The following ZCRB1 variants were observed in gnomAD, a reference collection of about 807,000 sequenced individuals.
ZCRB1 encodes zinc finger CCHC-type and RNA-binding motif-containing protein 1.
Under a neutral mutation model 29.9 loss-of-function variants are expected in ZCRB1, and 21 were observed. That is an observed-to-expected ratio of 0.70 (90% confidence interval 0.50 to 1.01). The LOEUF (loss-of-function observed/expected upper bound fraction) is 1.01, where lower values mean the gene tolerates loss of function less well. Among genes scored for constraint, ZCRB1 ranks in the 50% least tolerant of loss-of-function variants. ZCRB1 has a pLI of 0.00. For missense variants in ZCRB1, 204 were observed against 253.3 expected, an observed-to-expected ratio of 0.81 and a Z score of 1.32; for synonymous variants, 77 against 80.0, an observed-to-expected ratio of 0.96 and a Z score of 0.20.
chr12:42,317,373 GT>G lies in ZCRB1; in HGVS notation c.299del (p.Asn100ThrfsTer17). The G allele has an allele frequency of 6.2e-7, 1 of 1,612,784 alleles. No homozygotes were observed. Among genetic ancestry groups the G allele is most frequent in the South Asian group, 1.1e-5 (1 of 90,792 alleles). Reference protein sequence around the residue: ...GRAAEFIRRRNYFDKSKCYEC... With the variant: ...GRAAEFIRRRXYFDKSKCYEC... ...CATAACACTTAGATTTATCAAAGTA[GT>G]TTCGCCTTCGGATGAACTCAGCTGC... On this transcript the variant is annotated frameshift_variant, in exon 5 of 8. Coordinates refer to ENST00000266529, the MANE Select transcript of ZCRB1 (RefSeq NM_033114.4). LOFTEE classifies it high-confidence loss of function.
At chr12:42,314,961 ACAAAAAAC>A (rs914267108) in intron 5 of ZCRB1, among the ~76,000 whole-genome samples, 1 of 152,184 alleles carries the variant, frequency 6.6e-6, no homozygotes, top group Non-Finnish European at 1.5e-5. Flanking sequence ...CAAAAAACAA[ACAAAAAAC>A]CAAAAAACAA....
At chr12:42,317,076 G>A (rs2068598216) in intron 5 of ZCRB1, among the ~76,000 whole-genome samples, 1 of 152,142 alleles carries the variant, frequency 6.6e-6, no homozygotes, top group African/African-American at 2.4e-5. Flanking sequence ...GGGTGTGATG[G>A]TGCATGCCTG....
intron 3 of ZCRB1, among the ~76,000 whole-genome samples, chr12:42,319,695 G>C (rs1379078972): frequency 1.3e-5 from 2 of 152,266 alleles, no homozygotes; most frequent in East Asian, 3.9e-4. Flanking sequence ...GCTGAATTGT[G>C]TTATTCATAA....
chr12:42,316,696 T>C (rs2068596303), intron 5 of ZCRB1, among the ~76,000 whole-genome samples: 1 of 152,200 alleles, frequency 6.6e-6, no homozygotes, highest in Non-Finnish European at 1.5e-5. Flanking sequence ...GAACTGTGAC[T>C]TAAAAACTGT....
intron 3 of ZCRB1, among the ~76,000 whole-genome samples, chr12:42,318,682 C>T (rs1331044976): frequency 6.6e-6 from 1 of 152,084 alleles, no homozygotes; most frequent in Admixed American, 6.5e-5. Flanking sequence ...TCCAAGGCTA[C>T]AGCAGGGCAG....
At chr12:42,323,850 C>T in intron 2 of ZCRB1, 169 bp downstream of exon 2, 1 of 603,544 alleles carries the variant, frequency 1.7e-6, no homozygotes, top group Non-Finnish European at 2.9e-6. Context: ...GGGGAGGCTG[C>T]AGTGAGCCAT....
At chr12:42,321,260 G>A (rs1033730765) in intron 3 of ZCRB1, among the ~76,000 whole-genome samples, 10 of 152,164 alleles carry the variant, frequency 6.6e-5, no homozygotes, top group African/African-American at 2.2e-4. Flanking sequence ...GATCCATTCA[G>A]AGATTCTAAC....
chr12:42,317,786 C>T lies in ZCRB1; in HGVS notation c.225+1G>A. 1.2e-6 allele frequency: 2 copies of T among 1,611,470 alleles called. No individual in the cohort carries two copies. Among genetic ancestry groups the T allele is most frequent in the South Asian group, 2.2e-5 (2 of 90,788 alleles). ...AACCTTGATGGAGATGAATAGCTTA[C>T]CTGTTTGTTGTTTATTGCCCTGGTA... On this transcript the variant is annotated splice_donor_variant, in intron 4 of 7. Coordinates refer to ENST00000266529, the MANE Select transcript of ZCRB1 (RefSeq NM_033114.4). LOFTEE classifies it high-confidence loss of function.
At chr12:42,321,898 A>G (rs544188564) in intron 3 of ZCRB1, among the ~76,000 whole-genome samples, 7 of 152,152 alleles carry the variant, frequency 4.6e-5, no homozygotes, top group Non-Finnish European at 8.8e-5. Flanking sequence ...GTTATCATCC[A>G]TTACCATTTT....
intron 5 of ZCRB1, among the ~76,000 whole-genome samples, chr12:42,317,125 T>G (rs1012044910): frequency 1.3e-5 from 2 of 152,144 alleles, no homozygotes; most frequent in African/African-American, 2.4e-5. Context: ...GGAGGATCAG[T>G]TGGGCCCGGG....
At chr12:42,323,309 G>A (rs1247662645) in intron 2 of ZCRB1, among the ~76,000 whole-genome samples, 1 of 152,186 alleles carries the variant, frequency 6.6e-6, no homozygotes, top group Non-Finnish European at 1.5e-5. Flanking sequence ...GTGAAAGCCA[G>A]AGTCCTTACC....
chr12:42,314,263 G>A (rs898784856), intron 5 of ZCRB1, among the ~76,000 whole-genome samples: 1 of 151,678 alleles, frequency 6.6e-6, no homozygotes, highest in Non-Finnish European at 1.5e-5. Flanking sequence ...CAAAATTCAA[G>A]ATATAAAACA....
rs773607372 is a variant in ZCRB1, at chr12:42,317,349, A to G, written c.324T>C (p.Tyr108=). 3.7e-6 allele frequency: 6 copies of G among 1,608,370 alleles called. No individual in the cohort carries two copies. The African/African-American group carries it at 4.0e-5, about 11-fold the overall frequency. The change falls in exon 5 of 8, where the codon TAT becomes TAC. Residue 108 remains tyrosine, a synonymous_variant. Coordinates refer to ENST00000266529, the MANE Select transcript of ZCRB1 (RefSeq NM_033114.4). ...RRNYFDKSKC[Y]ECGESGHLSY... ...TTTTAGGTTTACTTACCCCACATTC[A>G]TAACACTTAGATTTATCAAAGTAGT...
In ZCRB1 at chr12:42,317,364, ATC is replaced by A; in HGVS notation, c.307_308del (p.Asp103Ter). The A allele has an allele frequency of 6.2e-7, 1 of 1,612,248 alleles. No individual in the cohort carries two copies. Among genetic ancestry groups the A allele is most frequent in the Non-Finnish European group, 8.5e-7 (1 of 1,179,500 alleles). ...CCCCACATTCATAACACTTAGATTT[ATC>A]AAAGTAGTTTCGCCTTCGGATGAAC... ...AEFIRRRNYF[D>X]KSKCYECGES... is the part of the protein sequence containing the mutation. On this transcript the variant is annotated frameshift_variant, in exon 5 of 8. Transcript: ENST00000266529. LOFTEE classifies it high-confidence loss of function.
At position 42,322,406 on chromosome 12, in the gene ZCRB1, G is replaced by C; in HGVS notation, c.113+12C>G. ...TTTAAATGAAGTTACAAAATTTAAT[G>C]TGAATACTTACTTTACAACTTTGCC... is the stretch of plus-strand genomic sequence containing the variant. On this transcript the variant is annotated intron_variant, in intron 3 of 7. Transcript: ENST00000266529. 6.8e-7 allele frequency: 1 copy of C among 1,460,278 alleles called. No homozygotes were observed. Among genetic ancestry groups the C allele is most frequent in the South Asian group, 1.4e-5 (1 of 74,034 alleles). 90.5% of individuals were successfully genotyped at this position (1,460,278 alleles called of 1,614,324 possible).
chr12:42,313,553 G>C (rs867251728), intron 7 of ZCRB1, 137 bp downstream of exon 7: 18 of 927,128 alleles, frequency 1.9e-5, no homozygotes, highest in Middle Eastern at 3.5e-4. Flanking sequence ...AAGTACCTCA[G>C]AGAAACAGCT....
intron 5 of ZCRB1, among the ~76,000 whole-genome samples, chr12:42,314,848 A>C (rs1198500249): frequency 6.6e-6 from 1 of 152,122 alleles, no homozygotes; most frequent in African/African-American, 2.4e-5. Context: ...GCTACTCAGG[A>C]GACTGAGGCA....
chr12:42,317,105 C>T (rs1181496580), intron 5 of ZCRB1, among the ~76,000 whole-genome samples: 1 of 152,132 alleles, frequency 6.6e-6, no homozygotes, highest in Admixed American at 6.6e-5. Flanking sequence ...GCTACTCAGA[C>T]ACTGTGGTGG....
intron 3 of ZCRB1, among the ~76,000 whole-genome samples, chr12:42,322,193 A>C (rs1228633917): frequency 6.6e-6 from 1 of 151,758 alleles, no homozygotes; most frequent in Admixed American, 6.6e-5. Flanking sequence ...TGGTATGTCA[A>C]ATTAAAAAAG....
Sources: allele counts gnomAD v4.1 joint callset (sites outside exome capture counted in the v4.1 genomes callset), GRCh38; gene constraint gnomAD v4.1.1; transcripts MANE v1.5; gene names NCBI Gene and HGNC (gene_info 2026-07-23, HGNC 2026-07-21).